NAALADL2: variants seen among roughly 807,000 people sequenced by gnomAD.
The protein encoded by NAALADL2 is inactive N-acetylated-alpha-linked acidic dipeptidase-like protein 2.
In NAALADL2, 76 loss-of-function variants were observed where a neutral mutation model predicts 87.2. The ratio of observed to expected loss-of-function variants is 0.87; its 90% CI spans 0.72 to 1.05. The LOEUF (loss-of-function observed/expected upper bound fraction) is 1.05, where lower values mean the gene tolerates loss of function less well. Ranked by LOEUF, NAALADL2 falls within the 50% of genes least tolerant of loss-of-function variation. NAALADL2 has a pLI of 0.00. For missense variants in NAALADL2, 1,089 were observed against 945.8 expected (o/e 1.15, Z -1.99); for synonymous variants, 354 against 331.0 (o/e 1.07, Z -0.75).
At chr3:175,274,465 G>T (rs995168781) in intron 4 of NAALADL2, among the ~76,000 whole-genome samples, 1 of 152,160 alleles carries the variant, frequency 6.6e-6, no homozygotes, top group African/African-American at 2.4e-5. Flanking sequence ...CAACTATTCA[G>T]CAGCTAAATA....
At chr3:174,700,805 A>G (rs1290094584) in intron 2 of NAALADL2, among the ~76,000 whole-genome samples, 1 of 152,230 alleles carries the variant, frequency 6.6e-6, no homozygotes, top group Non-Finnish European at 1.5e-5. Context: ...TAGAAGGAGT[A>G]TAACTGACTA....
At chr3:175,153,174 A>C (rs1005449530) in intron 2 of NAALADL2, among the ~76,000 whole-genome samples, 5 of 152,108 alleles carry the variant, frequency 3.3e-5, no homozygotes, top group African/African-American at 4.8e-5. Flanking sequence ...TTTCTTGCTG[A>C]ATTGCTCAAA....
chr3:175,133,446 G>A (rs1250843256), intron 2 of NAALADL2, among the ~76,000 whole-genome samples: 1 of 152,184 alleles, frequency 6.6e-6, no homozygotes, highest in African/African-American at 2.4e-5. Context: ...AGCACTGAGT[G>A]AACCAGACTC....
In NAALADL2 at chr3:174,763,603, A is replaced by C. The variant is rs1289205078; in HGVS notation, c.-9+25857A>C. On this transcript the variant is annotated intron_variant, in intron 3 of 3. Coordinates refer to the NAALADL2 transcript ENST00000434257. Reference sequence around the variant, plus strand: ...CTCCATCTCAAAAAAAAAAAAAAAGACTAAAATGTTGAAGTAGCATTTCTC... The same window carrying C: ...CTCCATCTCAAAAAAAAAAAAAAAGCCTAAAATGTTGAAGTAGCATTTCTC... Among the ~76,000 whole-genome samples the C allele has an allele frequency of 3.6e-5, 5 of 139,060 alleles. No homozygotes were observed. The East Asian group carries it at 8.1e-4, about 23-fold the overall frequency. 91.2% of individuals were successfully genotyped at this position (139,060 alleles called of 152,430 possible).
intron 2 of NAALADL2, among the ~76,000 whole-genome samples, chr3:174,649,192 G>C (rs1724109817): frequency 6.6e-6 from 1 of 151,764 alleles, no homozygotes; most frequent in South Asian, 2.1e-4. Context: ...TTGAACTCCT[G>C]ACCTCAGGAG....
intron 1 of NAALADL2, among the ~76,000 whole-genome samples, chr3:175,050,507 T>A (rs913453545): frequency 6.6e-6 from 1 of 152,196 alleles, no homozygotes; most frequent in African/African-American, 2.4e-5. Flanking sequence ...CAATGTTTAA[T>A]ATTAGAAGTG....
intron 1 of NAALADL2, among the ~76,000 whole-genome samples, chr3:174,927,137 C>T (rs1187087944): frequency 6.6e-6 from 1 of 151,902 alleles, no homozygotes; most frequent in African/African-American, 2.4e-5. Flanking sequence ...GTAAAGGGAT[C>T]AATTCAACAA....
intron 11 of NAALADL2, among the ~76,000 whole-genome samples, chr3:175,725,864 A>T (rs1349692426): frequency 6.6e-6 from 1 of 152,194 alleles, no homozygotes; most frequent in African/African-American, 2.4e-5. Flanking sequence ...ATATGGCAAG[A>T]GTGCAACAAA....
At chr3:174,863,671 A>T (rs1332377103) in intron 1 of NAALADL2, 1 of 159,758 alleles carries the variant, frequency 6.3e-6, no homozygotes, top group Non-Finnish European at 1.4e-5. Context: ...CCAACCTGTT[A>T]TACTGGTTTG....
At chr3:175,563,234 T>C (rs1050503840) in intron 9 of NAALADL2, among the ~76,000 whole-genome samples, 47 of 152,300 alleles carry the variant, frequency 3.1e-4, no homozygotes, top group African/African-American at 1.1e-3. Context: ...CAAAATTGTC[T>C]ATCTCATCTG....
At chr3:174,552,902 C>T (rs922951027) in intron 2 of NAALADL2, among the ~76,000 whole-genome samples, 1 of 147,736 alleles carries the variant, frequency 6.8e-6, no homozygotes, top group Admixed American at 6.8e-5. Flanking sequence ...TGTTTTTTAA[C>T]ATGCTTTAAT....
intron 2 of NAALADL2, among the ~76,000 whole-genome samples, chr3:174,735,954 G>A (rs1247570332): frequency 6.6e-6 from 1 of 152,102 alleles, no homozygotes; most frequent in Non-Finnish European, 1.5e-5. Flanking sequence ...GTGTGTGAGT[G>A]AGCAAGCATG....
intron 5 of NAALADL2, among the ~76,000 whole-genome samples, chr3:175,432,445 T>A (rs1252309131): frequency 6.6e-6 from 1 of 151,972 alleles, no homozygotes; most frequent in East Asian, 1.9e-4. Flanking sequence ...TCCCAGTACT[T>A]ACTCAGTTTT....
chr3:175,492,783 T>A (rs1728286441), intron 9 of NAALADL2, among the ~76,000 whole-genome samples: 1 of 152,156 alleles, frequency 6.6e-6, no homozygotes, highest in Non-Finnish European at 1.5e-5. Flanking sequence ...CCACTAATTT[T>A]AAATAACACC....
chr3:174,592,904 A>ATG lies in NAALADL2; in HGVS notation c.-115+42278_-115+42279dup, dbSNP rs1395210751. 2.6e-5 allele frequency among the ~76,000 whole-genome samples: 4 copies of ATG among 151,868 alleles called. No homozygotes were observed. In the East Asian group the frequency reaches 5.8e-4, roughly 22 times the overall value. On this transcript the variant is annotated intron_variant, in intron 2 of 3. Transcript: ENST00000434257. The stretch of plus-strand genomic sequence containing the variant: ...TTTGACTTTATTTGCTATACAAGGT[A>ATG]TGTGTGTGTGTGAGAGAGAGGGAGA...
intron 1 of NAALADL2, among the ~76,000 whole-genome samples, chr3:174,993,077 C>A: frequency 6.6e-6 from 1 of 151,948 alleles, no homozygotes; most frequent in East Asian, 1.9e-4. Flanking sequence ...TCTGTGTTCC[C>A]TACCTATAGA....
chr3:175,115,167 G>T (rs1307133795), intron 2 of NAALADL2: 25 of 151,582 alleles, frequency 1.6e-4, no homozygotes, highest in Admixed American at 1.6e-3. Flanking sequence ...TTTCTTCATA[G>T]TTCTTAAAAT....
chr3:174,677,240 A>G (rs1370542663), intron 2 of NAALADL2, among the ~76,000 whole-genome samples: 2 of 151,414 alleles, frequency 1.3e-5, no homozygotes, highest in African/African-American at 4.9e-5. Flanking sequence ...TAAACTAAAC[A>G]TATTTTTTAG....
At chr3:175,100,812 C>A (rs1722016383) in intron 2 of NAALADL2, among the ~76,000 whole-genome samples, 1 of 141,646 alleles carries the variant, frequency 7.1e-6, no homozygotes, top group Non-Finnish European at 1.5e-5. Flanking sequence ...GCACTCCAGC[C>A]TAGGCAACAA....
Sources: gnomAD v4.1 joint callset for allele counts (sites outside exome capture counted in the v4.1 genomes callset) on GRCh38, gnomAD v4.1.1 for gene constraint, MANE v1.5 for transcripts, NCBI Gene and HGNC (gene_info 2026-07-23, HGNC 2026-07-21) for gene names.